The following IL17RC variants were observed in gnomAD, a reference collection of about 807,000 sequenced individuals.
IL17RC encodes the protein interleukin 17 receptor C, also known as interleukin-17 receptor C.
IL17RC carries 53 observed loss-of-function variants against 86.7 expected under a neutral mutation model. The observed-to-expected ratio is 0.61, with a 90% CI of 0.49 to 0.77. IL17RC has a LOEUF of 0.77. Ranked by LOEUF, IL17RC falls within the 30% of genes least tolerant of loss-of-function variation. The probability of loss-of-function intolerance (pLI) is 0.00; values close to 1 mark genes in which losing one functional copy is unlikely to be tolerated. For missense variants in IL17RC, 957 were observed against 940.0 expected (o/e 1.02, Z -0.24); for synonymous variants, 439 against 413.1 (o/e 1.06, Z -0.76).
Position 9,933,115 on chromosome 3 carries a change from G to T in IL17RC, c.1685G>T (p.Trp562Leu). The T allele has an allele frequency of 6.3e-7, 1 of 1,583,678 alleles. No individual in the cohort carries two copies. ...CTGAGCGCGCAGGGGCCCGTGGCTTGGTTTCACGCGCAGCGGCGCCAGACC... is the reference window on the plus strand; with the variant it reads ...CTGAGCGCGCAGGGGCCCGTGGCTTTGTTTCACGCGCAGCGGCGCCAGACC... ...RELSAQGPVA[W>L]FHAQRRQTLQ... Residue 562 changes from tryptophan to leucine, a missense_variant, in exon 19 of 19, where the codon TGG (tryptophan) becomes TTG (leucine). By Grantham distance (61) the Trp-to-Leu change is moderately conservative. Transcript: ENST00000403601.
chr3:9,932,560 T>C, intron 16 of IL17RC, 48 bp from the exon 17 acceptor site: 1 of 1,536,866 alleles, frequency 6.5e-7, no homozygotes, highest in South Asian at 1.1e-5. Context: ...TCAGTTTTTC[T>C]TCTCTGTGGA....
At chr3:9,926,898 G>A (rs762352462) in intron 9 of IL17RC, among the ~76,000 whole-genome samples, 1 of 152,174 alleles carries the variant, frequency 6.6e-6, no homozygotes, top group South Asian at 2.1e-4. Flanking sequence ...GGGATTACAG[G>A]GGTGAGCCAC....
chr3:9,918,694 G>C, intron 5 of IL17RC, 85 bp downstream of exon 5: 1 of 947,382 alleles, frequency 1.1e-6, no homozygotes, highest in Non-Finnish European at 1.7e-6. Context: ...GATTACAAAA[G>C]AATTAAATTT....
At chr3:9,923,787 G>A (rs1480461047) in intron 7 of IL17RC, 94 bp from the exon 8 acceptor site, 24 of 1,403,962 alleles carry the variant, frequency 1.7e-5, no homozygotes, top group East Asian at 2.3e-5. Context: ...GAGCCTCCCA[G>A]TCTAGGGGGT....
At chr3:9,917,669 ATGG>A in intron 1 of IL17RC, 41 bp from the exon 2 acceptor site, 1 of 1,613,786 alleles carries the variant, frequency 6.2e-7, no homozygotes, top group Non-Finnish European at 8.5e-7. Flanking sequence ...CAGTGCCTAG[ATGG>A]TGGGGGCACA....
chr3:9,929,767 C>T, intron 12 of IL17RC, 85 bp from the exon 13 acceptor site: 1 of 1,445,606 alleles, frequency 6.9e-7, no homozygotes, highest in East Asian at 2.3e-5. Flanking sequence ...ACCCAACAGG[C>T]CTTCTGTTGC....
intron 17 of IL17RC, 51 bp downstream of exon 17, chr3:9,932,754 T>C (rs754511717): frequency 6.2e-7 from 1 of 1,604,686 alleles, no homozygotes; most frequent in South Asian, 1.1e-5. Flanking sequence ...AGAGTGGCTG[T>C]GGGAGTTCTC....
intron 7 of IL17RC, among the ~76,000 whole-genome samples, chr3:9,923,110 G>T (rs1301898292): frequency 1.3e-5 from 2 of 148,912 alleles, no homozygotes; most frequent in African/African-American, 5.0e-5. Context: ...CCAGGAGGCA[G>T]AGCTTGCAGT....
rs1423992867 is a variant in IL17RC, at chr3:9,933,568, G to T, written c.2138G>T (p.Gly713Val). Reference sequence around the variant, plus strand: ...GGACGCGGGGTGGGACCAGGCGCGGGACCTGGGGCGGGGGACGGGACTTAA... The same window carrying T: ...GGACGCGGGGTGGGACCAGGCGCGGTACCTGGGGCGGGGGACGGGACTTAA... ...APGRGVGPGA[G>V]PGAGDGT The change falls in exon 19 of 19, where the codon GGA becomes GTA. Residue 713 changes from glycine to valine, a missense_variant. Coordinates refer to ENST00000403601, the MANE Select transcript of IL17RC (RefSeq NM_153460.4). 1 of 1,601,670 alleles carries T rather than the reference G, an allele frequency of 6.2e-7. No homozygotes were observed. Among genetic ancestry groups the T allele is most frequent in the Non-Finnish European group, 8.5e-7 (1 of 1,174,574 alleles).
At chr3:9,928,743 T>C in intron 12 of IL17RC, 113 bp downstream of exon 12, 1 of 1,112,296 alleles carries the variant, frequency 9.0e-7, no homozygotes, top group South Asian at 1.3e-5. Context: ...GCTTCCTCTA[T>C]GGGAGTTCCA....
chr3:9,924,894 T>G, intron 9 of IL17RC, among the ~76,000 whole-genome samples: 1 of 152,058 alleles, frequency 6.6e-6, no homozygotes, highest in East Asian at 1.9e-4. Context: ...CTCAGCCCCA[T>G]GGGCTCAAGT....
At position 9,923,883 on chromosome 3, in the gene IL17RC, C is replaced by A. The variant is rs757448929; in HGVS notation, c.625C>A (p.Leu209Met). ...GCTCTCTTTGCCTCTCCCACCAGCC[C>A]TGCCCTGGCTCAACGTGTCAGCAGA... ...VWNSIPSCWA[L>M]PWLNVSADGD... is the part of the protein sequence containing the mutation. Residue 209 changes from leucine to methionine, a missense_variant and splice_region_variant, in exon 8 of 19, where the codon CTG becomes ATG. Leu to Met is a conservative substitution (Grantham distance 15). Transcript: ENST00000403601. 27 of 1,613,898 alleles carry A rather than the reference C, an allele frequency of 1.7e-5. No individual in the cohort carries two copies. The highest frequency in any genetic ancestry group is 2.2e-5 in the Non-Finnish European group (26 of 1,179,962).
intron 7 of IL17RC, among the ~76,000 whole-genome samples, chr3:9,922,883 A>C (rs2125181379): frequency 6.6e-6 from 1 of 152,138 alleles, no homozygotes; most frequent in African/African-American, 2.4e-5. Context: ...TTTAAGAAAT[A>C]GTAAGGAGGG....
Position 9,933,275 on chromosome 3 carries a change from C to T in IL17RC, c.1845C>T (p.Cys615=). 6.2e-7 allele frequency: 1 copy of T among 1,604,224 alleles called. No homozygotes were observed. The change falls in exon 19 of 19, where the codon TGC becomes TGT. Residue 615 remains cysteine (C), a synonymous_variant. Coordinates refer to ENST00000403601, the MANE Select transcript of IL17RC (RefSeq NM_153460.4). ...PHDAFRASLS[C]VLPDFLQGRA... The stretch of plus-strand genomic sequence containing the variant: ...ACGCCTTCCGCGCCTCGCTCAGCTG[C>T]GTGCTGCCCGACTTCTTGCAGGGCC...
intron 9 of IL17RC, among the ~76,000 whole-genome samples, chr3:9,926,876 T>G (rs915167514): frequency 3.9e-5 from 6 of 152,030 alleles, no homozygotes; most frequent in Non-Finnish European, 5.9e-5. Flanking sequence ...CACCTTGGCC[T>G]CCCAAAGTGC....
chr3:9,929,929 G>A (rs761450624), intron 13 of IL17RC, 32 bp downstream of exon 13: 1 of 1,613,820 alleles, frequency 6.2e-7, no homozygotes, highest in Non-Finnish European at 8.5e-7. Context: ...CTGGGGCAGG[G>A]CCACCTCCTA....
At chr3:9,931,896 C>T (rs2084747266) in intron 16 of IL17RC, among the ~76,000 whole-genome samples, 1 of 149,160 alleles carries the variant, frequency 6.7e-6, no homozygotes, top group South Asian at 2.1e-4. Flanking sequence ...AAAGACAGGG[C>T]AGGGACACCA....
rs911850435 is a variant in IL17RC, at chr3:9,926,386, C to T, written c.823-1780C>T. On this transcript the variant is annotated intron_variant, in intron 9 of 18. Coordinates refer to ENST00000403601, the MANE Select transcript of IL17RC (RefSeq NM_153460.4). Reference sequence around the variant, plus strand: ...TGGGCCACCACACCCAGCTCAATCACTTACTTTCTTATTTGGGCATCTAAT... The same window carrying T: ...TGGGCCACCACACCCAGCTCAATCATTTACTTTCTTATTTGGGCATCTAAT... Among the ~76,000 whole-genome samples, 77 of 152,258 alleles carry T rather than the reference C, an allele frequency of 5.1e-4. 1 individual carries two copies. Among genetic ancestry groups the T allele is most frequent in the African/African-American group, 1.7e-3 (72 of 41,548 alleles).
chr3:9,923,849 C>G, intron 7 of IL17RC, 32 bp from the exon 8 acceptor site: 1 of 1,611,728 alleles, frequency 6.2e-7, no homozygotes, highest in South Asian at 1.1e-5. Context: ...GTGAGGAAGT[C>G]TAAGCTGCGC....
Sources: gnomAD v4.1 joint callset for allele counts (sites outside exome capture counted in the v4.1 genomes callset) on GRCh38, gnomAD v4.1.1 for gene constraint, MANE v1.5 for transcripts, NCBI Gene and HGNC (gene_info 2026-07-23, HGNC 2026-07-21) for gene names.